Variants in STAU1 observed in about 807,000 individuals in gnomAD.
The protein encoded by STAU1 is double-stranded RNA-binding protein Staufen homolog 1.
STAU1 carries 13 observed loss-of-function variants against 62.9 expected under a neutral mutation model. That is an observed-to-expected ratio of 0.21 (90% CI 0.13 to 0.33). The LOEUF (loss-of-function observed/expected upper bound fraction) is 0.33. Among genes scored for constraint, STAU1 ranks in the 10% least tolerant of loss-of-function variants. The probability of loss-of-function intolerance (pLI) is 1.00; values close to 1 mark genes in which losing one functional copy is unlikely to be tolerated. For missense variants in STAU1, 571 were observed against 712.1 expected (o/e 0.80, Z 2.25); for synonymous variants, 269 against 265.1 (o/e 1.01, Z -0.14).
chr20:49,216,368 A>G, the STAU1 span, among the ~76,000 whole-genome samples: 2 of 152,058 alleles, frequency 1.3e-5, no homozygotes, highest in Non-Finnish European at 2.9e-5. Context: ...TCTACTAAAA[A>G]TACAAAAAAA....
At chr20:49,186,358 A>T (rs1451191128) in intron 1 of STAU1, among the ~76,000 whole-genome samples, 2 of 151,958 alleles carry the variant, frequency 1.3e-5, no homozygotes, top group Non-Finnish European at 2.9e-5. Context: ...AAAAAAAAAA[A>T]TTCAAACAAA....
intron 2 of STAU1, among the ~76,000 whole-genome samples, chr20:49,167,512 A>AT (rs1336636400): frequency 1.3e-5 from 2 of 152,208 alleles, no homozygotes; most frequent in Non-Finnish European, 2.9e-5. Flanking sequence ...TAGCAGAGGC[A>AT]TAAGTATTAC....
In STAU1 at chr20:49,154,058, A is replaced by G. The variant is rs1353495076; in HGVS notation, c.219T>C (p.Pro73=). The change falls in exon 4 of 14, where the codon CCT becomes CCC. Residue 73 remains proline (P), a synonymous_variant. Transcript: ENST00000371856. ...STSAAAESIT[P]TVELNALCMK... is the part of the protein sequence containing the mutation. Reference sequence around the variant, plus strand: ...TGCACAGTGCATTTAGTTCTACAGTAGGGGTTATGCTTTCTGCAAGAAAGA... The same window carrying G: ...TGCACAGTGCATTTAGTTCTACAGTGGGGGTTATGCTTTCTGCAAGAAAGA... The G allele has an allele frequency of 6.2e-7, 1 of 1,606,224 alleles. No individual in the cohort carries two copies. Among genetic ancestry groups the G allele is most frequent in the Non-Finnish European group, 8.5e-7 (1 of 1,178,128 alleles).
chr20:49,181,763 CAACAAAAAAAAAAAA>C (rs779703407), intron 1 of STAU1, among the ~76,000 whole-genome samples: 5 of 66,702 alleles, frequency 7.5e-5, no homozygotes, highest in African/African-American at 1.8e-4. Flanking sequence ...AAGACTATCT[CAACAAAAAAAAAAAA>C]AAAAAAAAAA....
chr20:49,153,906 CAAAAAAA>C lies in STAU1; in HGVS notation c.344+20_344+26del. On this transcript the variant is annotated intron_variant, in intron 4 of 13. Coordinates refer to ENST00000371856, the MANE Select transcript of STAU1 (RefSeq NM_017453.4). ...CAGACACGTTTTCTCCTGTATTTTA[CAAAAAAA>C]AAAAAAAAAAAACACATACCTCGGG... The C allele has an allele frequency of 8.0e-6, 11 of 1,369,638 alleles. No individual in the cohort carries two copies. Among genetic ancestry groups the C allele is most frequent in the Admixed American group, 3.2e-5 (1 of 31,474 alleles). The allele number at this position is 1,369,638 out of a possible 1,614,324, so 84.8% of individuals were successfully genotyped here. A position where few individuals can be genotyped will look rare whatever the true frequency, so the allele number is the denominator to read the frequency against.
intron 7 of STAU1, 131 bp from the exon 8 acceptor site, chr20:49,123,366 A>C (rs2092513689): frequency 2.8e-6 from 3 of 1,077,242 alleles, no homozygotes; most frequent in Non-Finnish European, 4.1e-6. Flanking sequence ...GATTTTTTTT[A>C]ATTTAACATT....
intron 8 of STAU1, 29 bp from the exon 9 acceptor site, chr20:49,120,157 G>A: frequency 6.3e-7 from 1 of 1,595,130 alleles, no homozygotes; most frequent in Non-Finnish European, 8.6e-7. Context: ...ACACAGACCA[G>A]TGCTTAAACC....
Position 49,118,424 on chromosome 20 carries a change from G to GAAA in STAU1, c.1114-19_1114-17dup. The GAAA allele has an allele frequency of 7.2e-7, 1 of 1,395,832 alleles. No individual in the cohort carries two copies. The highest frequency in any genetic ancestry group is 9.7e-7 in the Non-Finnish European group (1 of 1,033,670). 86.5% of individuals were successfully genotyped at this position (1,395,832 alleles called of 1,614,324 possible). A position where few individuals can be genotyped will look rare whatever the true frequency, so the allele number is the denominator to read the frequency against. ...TTATGGGTGTCTTAAAAAAGAAGAAGAAAAAAAAAAGGCCATGAGCATAAA... is the reference window on the plus strand; with the variant it reads ...TTATGGGTGTCTTAAAAAAGAAGAAGAAAAAAAAAAAAAGGCCATGAGCATAAA... On this transcript the variant is annotated splice_polypyrimidine_tract_variant and intron_variant, in intron 9 of 13. Coordinates refer to ENST00000371856, the MANE Select transcript of STAU1 (RefSeq NM_017453.4).
chr20:49,201,265 T>C, the STAU1 span, among the ~76,000 whole-genome samples: 1 of 152,042 alleles, frequency 6.6e-6, no homozygotes, highest in South Asian at 2.1e-4. Flanking sequence ...TAAACAAGGA[T>C]GTCTGAGGAT....
At chr20:49,140,699 A>G (rs1374008147) in intron 5 of STAU1, among the ~76,000 whole-genome samples, 1 of 152,196 alleles carries the variant, frequency 6.6e-6, no homozygotes, top group Non-Finnish European at 1.5e-5. Flanking sequence ...GGAATGATGG[A>G]AAGGTTCTGA....
chr20:49,201,124 G>A, the STAU1 span, among the ~76,000 whole-genome samples: 1 of 149,718 alleles, frequency 6.7e-6, no homozygotes, highest in African/African-American at 2.4e-5. Flanking sequence ...TGAGATCAGT[G>A]GTTGTCAAGG....
At chr20:49,191,034 T>C (rs937584466), upstream of STAU1, among the ~76,000 whole-genome samples, 7 of 78,836 alleles carry the variant, frequency 8.9e-5, no homozygotes, top group Admixed American at 7.1e-4. Flanking sequence ...TTTTTAATTA[T>C]TTTTTTTTTT....
chr20:49,155,333 ACAACAAGTTATCT>A (rs2093341145), intron 3 of STAU1, among the ~76,000 whole-genome samples: 1 of 152,248 alleles, frequency 6.6e-6, no homozygotes, highest in Non-Finnish European at 1.5e-5. Flanking sequence ...ATTTTCATAC[ACAACAAGTTATCT>A]CAAAATTATC....
At chr20:49,163,329 C>T (rs2146358136) in intron 3 of STAU1, among the ~76,000 whole-genome samples, 1 of 151,608 alleles carries the variant, frequency 6.6e-6, no homozygotes, top group South Asian at 2.1e-4. Flanking sequence ...ACCCTGTCTC[C>T]TATTCATAAG....
chr20:49,189,686 T>G (rs1170335750), upstream of STAU1, among the ~76,000 whole-genome samples: 1 of 151,532 alleles, frequency 6.6e-6, no homozygotes, highest in East Asian at 1.9e-4. Context: ...ATGCTCGCGT[T>G]GTGAGAGGTC....
chr20:49,187,229 A>C (rs1205438065), intron 1 of STAU1, among the ~76,000 whole-genome samples: 2 of 152,122 alleles, frequency 1.3e-5, no homozygotes, highest in Non-Finnish European at 2.9e-5. Context: ...GGCGGGGAGA[A>C]ATGGACAGGT....
chr20:49,197,324 G>T, the STAU1 span, among the ~76,000 whole-genome samples: 2 of 149,172 alleles, frequency 1.3e-5, no homozygotes, highest in African/African-American at 4.9e-5. Flanking sequence ...CGCAGATTTG[G>T]AGAAAACATT....
At chr20:49,161,177 AC>A (rs2146335124) in intron 3 of STAU1, among the ~76,000 whole-genome samples, 1 of 151,820 alleles carries the variant, frequency 6.6e-6, no homozygotes, top group African/African-American at 2.4e-5. Flanking sequence ...AAAAAAAAAA[AC>A]TAGCTGGGCG....
chr20:49,135,690 C>A (rs1183720586), intron 6 of STAU1, 143 bp downstream of exon 6: 1 of 681,090 alleles, frequency 1.5e-6, no homozygotes, highest in Non-Finnish European at 2.5e-6. Flanking sequence ...CACTGCTTCA[C>A]TAAATATAAA....
Sources: gnomAD v4.1 joint callset for allele counts (sites outside exome capture counted in the v4.1 genomes callset) on GRCh38, gnomAD v4.1.1 for gene constraint, MANE v1.5 for transcripts, NCBI Gene and HGNC (gene_info 2026-07-23, HGNC 2026-07-21) for gene names.